The following MRPS22 variants were observed in gnomAD, a reference collection of about 807,000 sequenced individuals.
MRPS22 encodes mitochondrial ribosomal protein S22.
A neutral mutation model predicts 44.0 loss-of-function variants in MRPS22; 30 were observed. The observed-to-expected ratio is 0.68, with a 90% CI of 0.51 to 0.93. MRPS22 has a LOEUF of 0.93. Among genes scored for constraint, MRPS22 ranks in the 40% least tolerant of loss-of-function variants. The pLI, the probability that MRPS22 is intolerant of heterozygous loss-of-function variation, is 0.00. For missense variants in MRPS22, 447 were observed against 447.8 expected, an observed-to-expected ratio of 1.00 and a Z score of 0.02; for synonymous variants, 165 against 154.4, an observed-to-expected ratio of 1.07 and a Z score of -0.51.
intron 5 of MRPS22, chr3:139,352,200 G>C (rs1941164053): frequency 5.5e-6 from 1 of 182,070 alleles, no homozygotes; most frequent in Non-Finnish European, 1.2e-5. Context: ...ATAAATGTTT[G>C]GTATTTTGCT....
chr3:139,355,796 GTTTT>G lies in MRPS22; in HGVS notation c.987+12_987+15del. The G allele has an allele frequency of 6.3e-7, 1 of 1,599,674 alleles. No homozygotes were observed. The highest frequency in any genetic ancestry group is 8.6e-7 in the Non-Finnish European group (1 of 1,168,208). ...AGGGAATAAATTTAATCAAGGTAAA[GTTTT>G]TTTTTCATATTGGTTGTTTTGTGGT... On this transcript the variant is annotated splice_region_variant and intron_variant, in intron 7 of 7. Coordinates refer to ENST00000680020, the MANE Select transcript of MRPS22 (RefSeq NM_020191.4).
Position 139,355,700 on chromosome 3 carries a change from C to T in MRPS22, c.897C>T (p.Asn299=), listed in dbSNP as rs766564324. The T allele has an allele frequency of 1.2e-6, 2 of 1,614,114 alleles. No individual in the cohort carries two copies. The highest frequency in any genetic ancestry group is 1.1e-5 in the South Asian group (1 of 91,078). The part of the protein sequence containing the change: ...IQRDLIDDAT[N]LVQLYHVLHP... ...TTCTCAGAATCGATGATGCAACCAA[C>T]TTGGTCCAGCTGTATCACGTGCTCC... Residue 299 remains asparagine, a synonymous_variant, in exon 7 of 8, where the codon AAC becomes AAT. Coordinates refer to ENST00000680020, the MANE Select transcript of MRPS22 (RefSeq NM_020191.4).
chr3:139,344,313 G>A, intron 1 of MRPS22, 115 bp downstream of exon 1: 1 of 1,148,732 alleles, frequency 8.7e-7, no homozygotes, highest in Non-Finnish European at 1.3e-6. Context: ...CGCTTCCTCA[G>A]ATTCAGCTGT....
chr3:139,346,795 T>G, intron 1 of MRPS22, 83 bp from the exon 2 acceptor site: 1 of 1,444,140 alleles, frequency 6.9e-7, no homozygotes, highest in Non-Finnish European at 9.7e-7. Context: ...CTAATGCTTT[T>G]TATTGTTAAC....
chr3:139,345,438 G>GTTTTTTTTTTTTTTTTTTT, intron 1 of MRPS22, among the ~76,000 whole-genome samples: 1 of 121,646 alleles, frequency 8.2e-6, no homozygotes, highest in Non-Finnish European at 1.6e-5. Context: ...TGCCAGTGGT[G>GTTTTTTTTTTTTTTTTTTT]TTTTTTTTTT....
chr3:139,344,013 G>A (rs1319587941), upstream of MRPS22: 1 of 1,614,190 alleles, frequency 6.2e-7, no homozygotes, highest in South Asian at 1.1e-5. Flanking sequence ...CGGCGCAAGT[G>A]GCTTCTGATA....
At chr3:139,356,831 C>T (rs1310950468) in intron 7 of MRPS22, 88 bp from the exon 8 acceptor site, 2 of 947,584 alleles carry the variant, frequency 2.1e-6, no homozygotes, top group South Asian at 1.5e-5. Context: ...TTTGCTACTA[C>T]AGAAATGCTA....
intron 2 of MRPS22, among the ~76,000 whole-genome samples, chr3:139,347,744 GT>G (rs1449026504): frequency 1.3e-5 from 2 of 152,142 alleles, no homozygotes; most frequent in African/African-American, 4.8e-5. Flanking sequence ...GTATGCCTCT[GT>G]TTTTTCTTCT....
chr3:139,345,661 A>G (rs1941028539), intron 1 of MRPS22, among the ~76,000 whole-genome samples: 1 of 152,144 alleles, frequency 6.6e-6, no homozygotes, highest in Non-Finnish European at 1.5e-5. Flanking sequence ...TATTGGCTAG[A>G]TCTGGAGGAT....
Position 139,344,061 on chromosome 3 carries a change from G to A in MRPS22, c.35G>A (p.Ser12Asn). 1 of 1,614,192 alleles carries A rather than the reference G, an allele frequency of 6.2e-7. No individual in the cohort carries two copies. Among genetic ancestry groups the A allele is most frequent in the Non-Finnish European group, 8.5e-7 (1 of 1,180,034 alleles). ...CTCGGAACAACTGTATTGCTGTGGAGCCTCTTGAGGAGTTCTCCGGGCGTG... is the reference window on the plus strand; with the variant it reads ...CTCGGAACAACTGTATTGCTGTGGAACCTCTTGAGGAGTTCTCCGGGCGTG... Reference protein sequence around the residue: ...APLGTTVLLWSLLRSSPGVER... With the variant: ...APLGTTVLLWNLLRSSPGVER... The change falls in exon 1 of 8, where the codon AGC becomes AAC. Residue 12 changes from serine (S) to asparagine (N), a missense_variant. Ser to Asn is a conservative substitution (Grantham distance 46). Coordinates refer to ENST00000680020, the MANE Select transcript of MRPS22 (RefSeq NM_020191.4).
chr3:139,350,688 C>T (rs542183875), intron 4 of MRPS22: 105 of 443,398 alleles, frequency 2.4e-4, no homozygotes, highest in Non-Finnish European at 1.0e-4. Flanking sequence ...CCCCGCAATC[C>T]GACTCCCAAA....
intron 6 of MRPS22, among the ~76,000 whole-genome samples, chr3:139,353,436 G>C (rs1157632814): frequency 1.3e-5 from 2 of 152,194 alleles, no homozygotes; most frequent in Non-Finnish European, 2.9e-5. Flanking sequence ...CAAGGAAGCA[G>C]CATGGCTGTA....
chr3:139,347,102 T>A, intron 2 of MRPS22, 58 bp downstream of exon 2: 1 of 1,572,056 alleles, frequency 6.4e-7, no homozygotes. Context: ...AAACAACATT[T>A]CTAGAGGCCC....
intron 3 of MRPS22, 120 bp from the exon 4 acceptor site, chr3:139,350,059 T>C (rs1420372621): frequency 8.8e-7 from 1 of 1,134,960 alleles, no homozygotes; most frequent in African/African-American, 1.5e-5. Flanking sequence ...ATTGATCTCA[T>C]ATGCATGATT....
intron 5 of MRPS22, chr3:139,351,433 C>T: frequency 2.9e-6 from 1 of 344,700 alleles, no homozygotes; most frequent in South Asian, 2.4e-5. Flanking sequence ...AGTAAGTATT[C>T]ATTAGTACCT....
At chr3:139,347,071 A>G in intron 2 of MRPS22, 27 bp downstream of exon 2, 2 of 1,613,520 alleles carry the variant, frequency 1.2e-6, no homozygotes, top group Non-Finnish European at 1.7e-6. Flanking sequence ...ATATTGTTAG[A>G]ATACCTTTCT....
chr3:139,355,597 T>C (rs868267598), intron 6 of MRPS22, 85 bp from the exon 7 acceptor site: 1 of 1,043,804 alleles, frequency 9.6e-7, no homozygotes. Flanking sequence ...AAATGTAATT[T>C]AGTTTGAAGT....
At chr3:139,348,022 C>T (rs1941077833) in intron 2 of MRPS22, 138 bp from the exon 3 acceptor site, 9 of 890,106 alleles carry the variant, frequency 1.0e-5, no homozygotes, top group Non-Finnish European at 1.6e-5. Flanking sequence ...CCAGGTTTGG[C>T]TTTTTACTCA....
chr3:139,344,863 T>G, intron 1 of MRPS22: 1 of 559,386 alleles, frequency 1.8e-6, no homozygotes, highest in Non-Finnish European at 3.2e-6. Context: ...GAACCGTTAT[T>G]TTGGGGGCGG....
Sources: gnomAD v4.1 joint callset for allele counts (sites outside exome capture counted in the v4.1 genomes callset) on GRCh38, gnomAD v4.1.1 for gene constraint, MANE v1.5 for transcripts, NCBI Gene and HGNC (gene_info 2026-07-23, HGNC 2026-07-21) for gene names.